The following GNA14 variants were observed in gnomAD, a reference collection of about 807,000 sequenced individuals.
GNA14 encodes G protein subunit alpha 14.
GNA14 carries 50 observed loss-of-function variants against 42.0 expected under a neutral mutation model. That is an observed-to-expected ratio of 1.19 (90% CI 0.95 to 1.51). The LOEUF is 1.51. Among genes scored for constraint, GNA14 ranks in the 40% most tolerant of loss-of-function variants. The pLI is 0.00. For synonymous variants in GNA14, 173 were observed against 163.1 expected (o/e 1.06, Z -0.46); for missense variants, 473 against 446.2 (o/e 1.06, Z -0.54).
At chr9:77,630,532 G>A (rs1248536241) in intron 1 of GNA14, among the ~76,000 whole-genome samples, 1 of 152,074 alleles carries the variant, frequency 6.6e-6, no homozygotes, top group East Asian at 1.9e-4. Context: ...TTTAAAATGT[G>A]TAAATAGGTT....
intron 1 of GNA14, among the ~76,000 whole-genome samples, chr9:77,590,026 C>T (rs1363118181): frequency 6.6e-6 from 1 of 152,074 alleles, no homozygotes; most frequent in African/African-American, 2.4e-5. Context: ...AAGTGATTCT[C>T]CTGCCTCAGC....
chr9:77,458,436 A>C (rs1836045116), intron 2 of GNA14, among the ~76,000 whole-genome samples: 1 of 152,300 alleles, frequency 6.6e-6, no homozygotes, highest in South Asian at 2.1e-4. Flanking sequence ...TTTCTGATGG[A>C]TTAGTGACTG....
intron 2 of GNA14, among the ~76,000 whole-genome samples, chr9:77,513,972 T>C (rs1837210412): frequency 6.6e-6 from 1 of 151,694 alleles, no homozygotes; most frequent in Admixed American, 6.6e-5. Context: ...TTTTTGGCCC[T>C]CAGGGATTCT....
intron 1 of GNA14, among the ~76,000 whole-genome samples, chr9:77,618,640 T>TTA (rs1823872251): frequency 2.6e-4 from 20 of 77,300 alleles, no homozygotes; most frequent in Non-Finnish European, 4.9e-4. Context: ...TTTTTTTTTT[T>TTA]TTTTTTTTTT....
chr9:77,618,634 T>TTA (rs1823871931), intron 1 of GNA14, among the ~76,000 whole-genome samples: 5 of 47,868 alleles, frequency 1.0e-4, no homozygotes, highest in Non-Finnish European at 1.8e-4. Context: ...TTTTTTTTTT[T>TTA]TTTTTTTTTT....
intron 1 of GNA14, among the ~76,000 whole-genome samples, chr9:77,570,621 T>C (rs1478068023): frequency 2.0e-5 from 3 of 152,238 alleles, no homozygotes; most frequent in Non-Finnish European, 2.9e-5. Context: ...TCCACACATT[T>C]TGTTTATTTT....
chr9:77,482,422 T>G (rs955842948), intron 2 of GNA14, among the ~76,000 whole-genome samples: 1 of 151,942 alleles, frequency 6.6e-6, no homozygotes, highest in African/African-American at 2.4e-5. Flanking sequence ...TGTCGAGAGA[T>G]CTCTCTTAGT....
At chr9:77,448,385 G>A (rs1372280696) in intron 2 of GNA14, among the ~76,000 whole-genome samples, 1 of 152,148 alleles carries the variant, frequency 6.6e-6, no homozygotes, top group Admixed American at 6.6e-5. Flanking sequence ...GTCGGTGTTC[G>A]ATAAATTACA....
chr9:77,532,198 G>A lies in GNA14; in HGVS notation c.125-2945C>T, dbSNP rs140526895. Among the ~76,000 whole-genome samples the A allele has an allele frequency of 5.8e-4, 89 of 152,242 alleles. 1 individual carries two copies. The East Asian group carries it at 0.01, about 17-fold the overall frequency. On this transcript the variant is annotated intron_variant, in intron 1 of 6. Coordinates refer to ENST00000341700, the MANE Select transcript of GNA14 (RefSeq NM_004297.4). ...CAAGGTCACTCAGTTTGGAAGTGTCGTGGCCTGGGTCCAAATGCAGGTTTA... is the reference window on the plus strand; with the variant it reads ...CAAGGTCACTCAGTTTGGAAGTGTCATGGCCTGGGTCCAAATGCAGGTTTA...
intron 4 of GNA14, among the ~76,000 whole-genome samples, chr9:77,430,813 T>C (rs977598555): frequency 6.6e-5 from 10 of 152,236 alleles, no homozygotes; most frequent in African/African-American, 2.4e-4. Context: ...AAGTATTTCC[T>C]ATATTTGTAA....
At chr9:77,535,089 C>T (rs1301468406) in intron 1 of GNA14, among the ~76,000 whole-genome samples, 3 of 152,202 alleles carry the variant, frequency 2.0e-5, no homozygotes, top group Non-Finnish European at 2.9e-5. Flanking sequence ...AGGAGCGTTT[C>T]TCAGCAGCAA....
intron 1 of GNA14, among the ~76,000 whole-genome samples, chr9:77,569,413 T>A (rs1383811160): frequency 1.3e-5 from 2 of 152,152 alleles, no homozygotes; most frequent in African/African-American, 4.8e-5. Flanking sequence ...TCCTCTCCAG[T>A]GCTGGAGGGG....
intron 2 of GNA14, among the ~76,000 whole-genome samples, chr9:77,460,540 A>T (rs1320882698): frequency 6.6e-6 from 1 of 152,136 alleles, no homozygotes; most frequent in Admixed American, 6.6e-5. Flanking sequence ...AACTGGCAAA[A>T]CTCTGGACAG....
intron 3 of GNA14, among the ~76,000 whole-genome samples, chr9:77,432,129 G>GT (rs1186597120): frequency 6.7e-6 from 1 of 150,208 alleles, no homozygotes; most frequent in East Asian, 1.9e-4. Flanking sequence ...AAAACTTTAA[G>GT]GCCTTTCTAA....
chr9:77,603,048 C>G (rs1823593145), intron 1 of GNA14, among the ~76,000 whole-genome samples: 1 of 152,210 alleles, frequency 6.6e-6, no homozygotes, highest in African/African-American at 2.4e-5. Flanking sequence ...CTGGTTGTAC[C>G]AGGCTTCCAA....
chr9:77,627,147 T>C (rs1279172510), intron 1 of GNA14, among the ~76,000 whole-genome samples: 1 of 152,150 alleles, frequency 6.6e-6, no homozygotes, highest in African/African-American at 2.4e-5. Flanking sequence ...AATTCATAAA[T>C]TCCTGGACAC....
chr9:77,514,444 C>T, intron 2 of GNA14, among the ~76,000 whole-genome samples: 1 of 151,972 alleles, frequency 6.6e-6, no homozygotes, highest in South Asian at 2.1e-4. Flanking sequence ...GACATGATTC[C>T]CCATCAAAGA....
chr9:77,647,456 G>T (rs1824375072), intron 1 of GNA14, among the ~76,000 whole-genome samples: 1 of 152,182 alleles, frequency 6.6e-6, no homozygotes, highest in Non-Finnish European at 1.5e-5. Flanking sequence ...TGGGGCAGGG[G>T]AAGGTGTTGC....
chr9:77,493,016 A>T lies in GNA14; in HGVS notation c.309+36053T>A, dbSNP rs1263515466. On this transcript the variant is annotated intron_variant, in intron 2 of 6. Coordinates refer to ENST00000341700, the MANE Select transcript of GNA14 (RefSeq NM_004297.4). ...ACTCCGTCTCAGGAAAAAAAAAAAA[A>T]AAAAAAAAAAATATATATATATATA... Among the ~76,000 whole-genome samples, 397 of 91,540 alleles carry T rather than the reference A, an allele frequency of 4.3e-3. 2 individuals carry two copies. Among genetic ancestry groups the T allele is most frequent in the African/African-American group, 0.016 (347 of 21,352 alleles). 60.1% of individuals were successfully genotyped at this position (91,540 alleles called of 152,430 possible). A position where few individuals can be genotyped will look rare whatever the true frequency, so the allele number is the denominator to read the frequency against.
Sources: gnomAD v4.1 joint callset for allele counts (sites outside exome capture counted in the v4.1 genomes callset) on GRCh38, gnomAD v4.1.1 for gene constraint, MANE v1.5 for transcripts, NCBI Gene and HGNC (gene_info 2026-07-23, HGNC 2026-07-21) for gene names.